PRSS3: variants seen among roughly 807,000 people sequenced by gnomAD.
PRSS3 encodes the protein serine protease 3.
In PRSS3, 14 loss-of-function variants were observed where a neutral mutation model predicts 20.8. The observed-to-expected ratio is 0.67, with a 90% CI of 0.44 to 1.05. The LOEUF (loss-of-function observed/expected upper bound fraction) is 1.05. PRSS3 is among the 50% of genes least tolerant of loss of function. PRSS3 has a pLI of 0.00. For synonymous variants in PRSS3, 91 were observed against 117.6 expected (o/e 0.77, Z 1.46); for missense variants, 237 against 306.4 (o/e 0.77, Z 1.69).
At chr9:33,785,518 C>T (rs1350346237) in intron 1 of PRSS3, among the ~76,000 whole-genome samples, 1 of 152,016 alleles carries the variant, frequency 6.6e-6, no homozygotes, top group African/African-American at 2.4e-5. Flanking sequence ...TGTTTCGTGG[C>T]CTAGACTGAG....
chr9:33,791,136 G>A (rs1259412050), upstream of PRSS3, among the ~76,000 whole-genome samples: 1 of 152,216 alleles, frequency 6.6e-6, no homozygotes, highest in Non-Finnish European at 1.5e-5. Context: ...CAGATAACAA[G>A]CTTTGTATTT....
At position 33,773,417 on chromosome 9, in the gene PRSS3, G is replaced by A. The variant is rs140418319; in HGVS notation, c.-52-21329G>A. 6.1e-3 allele frequency among the ~76,000 whole-genome samples: 930 copies of A among 152,294 alleles called. 11 individuals are homozygous for A. Among genetic ancestry groups the A allele is most frequent in the African/African-American group, 0.021 (876 of 41,564 alleles). The stretch of plus-strand genomic sequence containing the variant: ...TTCTAGAAATGAGAGTCATGGAAGT[G>A]TTGAGATGAGGTCTTCACACATCCC... On this transcript the variant is annotated intron_variant, in intron 1 of 5. Coordinates refer to the PRSS3 transcript ENST00000342836.
chr9:33,793,325 T>C (rs1252327596), upstream of PRSS3, among the ~76,000 whole-genome samples: 1 of 150,666 alleles, frequency 6.6e-6, no homozygotes, highest in East Asian at 1.9e-4. Context: ...CCTTATCCTC[T>C]AAGGCAGGAG....
chr9:33,795,541 C>G, upstream of PRSS3: 1 of 1,594,666 alleles, frequency 6.3e-7, no homozygotes, highest in Non-Finnish European at 8.6e-7. Flanking sequence ...TAAGGACAGG[C>G]CTTCCACCAC....
intron 1 of PRSS3, among the ~76,000 whole-genome samples, chr9:33,781,777 A>G (rs1224274935): frequency 6.6e-6 from 1 of 152,252 alleles, no homozygotes; most frequent in South Asian, 2.1e-4. Context: ...CTGATTCTAG[A>G]AGGTATATGA....
At chr9:33,773,228 G>T (rs974551887) in intron 1 of PRSS3, among the ~76,000 whole-genome samples, 5 of 152,040 alleles carry the variant, frequency 3.3e-5, no homozygotes, top group African/African-American at 1.2e-4. Flanking sequence ...GAGAGAGAGA[G>T]AGAAGGAAGG....
intron 1 of PRSS3, among the ~76,000 whole-genome samples, chr9:33,752,183 G>A (rs957326123): frequency 4.0e-5 from 6 of 151,894 alleles, no homozygotes; most frequent in South Asian, 2.1e-4. Context: ...CATTTATTCC[G>A]TGAGTTCCTC....
At chr9:33,790,246 A>G (rs1314556484) in intron 1 of PRSS3, among the ~76,000 whole-genome samples, 5 of 152,240 alleles carry the variant, frequency 3.3e-5, no homozygotes, top group Admixed American at 6.5e-5. Flanking sequence ...ATTAGATCAT[A>G]CAATATGTAG....
At chr9:33,769,893 C>A (rs896191242) in intron 1 of PRSS3, among the ~76,000 whole-genome samples, 10 of 152,322 alleles carry the variant, frequency 6.6e-5, no homozygotes, top group African/African-American at 2.4e-4. Context: ...GGGCTGGGCG[C>A]GGTGGCTCAC....
rs34542469 is a variant in PRSS3 at position 33,766,962 on chromosome 9, ATT to A, written c.-53+16247_-53+16248del. Among the ~76,000 whole-genome samples, 101 of 148,064 alleles carry A rather than the reference ATT, an allele frequency of 6.8e-4. 1 individual carries two copies. In the East Asian group the frequency reaches 0.011, roughly 17 times the overall value. On this transcript the variant is annotated intron_variant, in intron 1 of 5. Coordinates refer to the PRSS3 transcript ENST00000342836. ...TTATGGTATGTAAATTACATGGTGG[ATT>A]TTTTTTTTTTTAAGTAGAAGAGTAA...
intron 1 of PRSS3, among the ~76,000 whole-genome samples, chr9:33,771,867 T>C (rs926536832): frequency 7.2e-6 from 1 of 138,784 alleles, no homozygotes; most frequent in Admixed American, 7.2e-5. Context: ...TTTCTTTCTT[T>C]CTTTTCTTTT....
chr9:33,783,180 C>G (rs1824250335), intron 1 of PRSS3, among the ~76,000 whole-genome samples: 1 of 152,162 alleles, frequency 6.6e-6, no homozygotes, highest in Non-Finnish European at 1.5e-5. Flanking sequence ...ATAATGAAAT[C>G]AGAACTCTGG....
At chr9:33,794,021 T>C (rs1431704026), upstream of PRSS3, among the ~76,000 whole-genome samples, 1 of 152,234 alleles carries the variant, frequency 6.6e-6, no homozygotes, top group African/African-American at 2.4e-5. Flanking sequence ...GTGGATCTCC[T>C]GGCTTTGGGG....
chr9:33,793,479 C>G (rs113341070), upstream of PRSS3, among the ~76,000 whole-genome samples: 8,319 of 152,044 alleles, frequency 0.055, 603 homozygotes, highest in African/African-American at 0.19. Context: ...GTGTCATCTA[C>G]ATGGCAGTCA....
At chr9:33,787,008 G>A (rs1239205352) in intron 1 of PRSS3, among the ~76,000 whole-genome samples, 1 of 152,128 alleles carries the variant, frequency 6.6e-6, no homozygotes, top group Non-Finnish European at 1.5e-5. Context: ...GATAGACTGG[G>A]GATGAGGAGA....
At chr9:33,785,279 C>G (rs10114653) in intron 1 of PRSS3, among the ~76,000 whole-genome samples, 8,014 of 147,416 alleles carry the variant, frequency 0.054, 790 homozygotes, top group African/African-American at 0.19. Context: ...CCGGGTTCAC[C>G]CCATTCTCCT....
chr9:33,777,699 C>T (rs1334123183), intron 1 of PRSS3, among the ~76,000 whole-genome samples: 3 of 144,784 alleles, frequency 2.1e-5, no homozygotes, highest in Admixed American at 6.9e-5. Flanking sequence ...CAGAGCGAGA[C>T]TGCGTCTCAA....
upstream of PRSS3, chr9:33,794,889 A>G: frequency 6.5e-7 from 1 of 1,550,380 alleles, no homozygotes; most frequent in Non-Finnish European, 8.7e-7. Context: ...CTCCTACCTA[A>G]CCTGTGTCCC....
In PRSS3 at chr9:33,766,600, TAAAG is replaced by T. The variant is rs146869784; in HGVS notation, c.-53+15874_-53+15877del. ...ATAAATAAATAAGTAAATAAATAAA[TAAAG>T]GAATGAAGTGCTGATACATGCTATA... On this transcript the variant is annotated intron_variant, in intron 1 of 5. Coordinates refer to the PRSS3 transcript ENST00000342836. Among the ~76,000 whole-genome samples, 481 of 151,902 alleles carry T rather than the reference TAAAG, an allele frequency of 3.2e-3. 3 individuals carry two copies. The highest frequency in any genetic ancestry group is 0.011 in the African/African-American group (444 of 41,394).
Sources: gnomAD v4.1 joint callset for allele counts (sites outside exome capture counted in the v4.1 genomes callset) on GRCh38, gnomAD v4.1.1 for gene constraint, MANE v1.5 for transcripts, NCBI Gene and HGNC (gene_info 2026-07-23, HGNC 2026-07-21) for gene names.